Variants in PLA2G6 observed in about 807,000 individuals in gnomAD.
The protein encoded by PLA2G6 is phospholipase A2 group VI, also known as 85/88 kDa calcium-independent phospholipase A2.
A neutral mutation model predicts 83.8 loss-of-function variants in PLA2G6; 62 were observed. The observed-to-expected ratio is 0.74, with a 90% CI of 0.60 to 0.91. The LOEUF (loss-of-function observed/expected upper bound fraction) is 0.91, where lower values mean the gene tolerates loss of function less well. Among genes scored for constraint, PLA2G6 ranks in the 40% least tolerant of loss-of-function variants. PLA2G6 has a pLI of 0.00. For missense variants in PLA2G6, 944 were observed against 1,102.0 expected (o/e 0.86, Z 2.03); for synonymous variants, 417 against 449.8 (o/e 0.93, Z 0.92).
intron 10 of PLA2G6, 128 bp downstream of exon 10, chr22:38,126,243 T>A (rs1162993064): frequency 2.7e-6 from 2 of 752,516 alleles, no homozygotes; most frequent in Non-Finnish European, 4.8e-6. Flanking sequence ...ACTATAAGAC[T>A]AGGAGCAGAG....
At chr22:38,122,669 G>A (rs752098298) in intron 11 of PLA2G6, among the ~76,000 whole-genome samples, 2 of 152,182 alleles carry the variant, frequency 1.3e-5, no homozygotes, top group Admixed American at 6.5e-5. Flanking sequence ...GTGTGCAGGC[G>A]AGGGCTCTGG....
chr22:38,113,441 C>G (rs1436892710), intron 15 of PLA2G6, 46 bp downstream of exon 15: 6 of 1,593,490 alleles, frequency 3.8e-6, no homozygotes, highest in Non-Finnish European at 3.4e-6. Context: ...TCGACCTGGG[C>G]TACAGACCCT....
chr22:38,163,898 G>A (rs986242710), intron 2 of PLA2G6, among the ~76,000 whole-genome samples: 1 of 152,076 alleles, frequency 6.6e-6, no homozygotes, highest in Non-Finnish European at 1.5e-5. Context: ...CCACTTATCT[G>A]AGGTTTCTGA....
At chr22:38,119,710 G>A (rs1033399395) in intron 12 of PLA2G6, among the ~76,000 whole-genome samples, 3 of 152,064 alleles carry the variant, frequency 2.0e-5, no homozygotes, top group South Asian at 2.1e-4. Flanking sequence ...GCACTCAGGC[G>A]GCTGAGATGG....
At chr22:38,115,960 G>T (rs11570752) in intron 13 of PLA2G6, 115 bp downstream of exon 13, 3 of 1,480,586 alleles carry the variant, frequency 2.0e-6, no homozygotes, top group East Asian at 4.7e-5. Flanking sequence ...CCAGTGCAGC[G>T]GGTGGGCTGG....
rs2088667689 is a variant in PLA2G6 at position 38,138,138 on chromosome 22, GCTCCTGC to G, written c.797+1837_797+1843del. 2.0e-5 allele frequency: 3 copies of G among 152,546 alleles called. No individual in the cohort carries two copies. In the East Asian group the frequency reaches 5.8e-4, roughly 29 times the overall value. 9.4% of individuals were successfully genotyped at this position (152,546 alleles called of 1,614,324 possible). A position where few individuals can be genotyped will look rare whatever the true frequency, so the allele number is the denominator to read the frequency against. ...AGAGAGAGAAAACTGGTCAATTACA[GCTCCTGC>G]CCAGTACAGCTCAGGGTGGCTGGAG... On this transcript the variant is annotated intron_variant, in intron 5 of 16. Transcript: ENST00000332509.
intron 2 of PLA2G6, 127 bp from the exon 3 acceptor site, chr22:38,145,780 A>AGCAAACAC (rs2089213730): frequency 1.6e-5 from 7 of 447,640 alleles, no homozygotes; most frequent in Non-Finnish European, 2.8e-5. Flanking sequence ...TCCCCTCCCA[A>AGCAAACAC]GCAAACACAC....
At chr22:38,166,447 A>G (rs551188521) in intron 2 of PLA2G6, among the ~76,000 whole-genome samples, 4 of 152,110 alleles carry the variant, frequency 2.6e-5, no homozygotes, top group Non-Finnish European at 5.9e-5. Context: ...AAGACAAACA[A>G]AGCCGGGCAT....
chr22:38,124,825 A>G (rs11570724), intron 10 of PLA2G6, among the ~76,000 whole-genome samples: 14,154 of 152,104 alleles, frequency 0.093, 747 homozygotes, highest in East Asian at 0.15. Flanking sequence ...CCAGCCCCAC[A>G]GCAAGCCTAG....
intron 5 of PLA2G6, chr22:38,138,514 C>T (rs1435708203): frequency 6.6e-6 from 1 of 152,282 alleles, no homozygotes; most frequent in Non-Finnish European, 1.5e-5. Context: ...TGCCTTCTCA[C>T]TGCTTGTCTG....
At position 38,128,991 on chromosome 22, in the gene PLA2G6, C is replaced by T. The variant is rs1485020255; in HGVS notation, c.1186+463G>A. Reference sequence around the variant, plus strand: ...AGGCCTCTGGTGAGGAGGATCTGCTCTGTCCAGCTCTGAAGCTAAGGCTCA... The same window carrying T: ...AGGCCTCTGGTGAGGAGGATCTGCTTTGTCCAGCTCTGAAGCTAAGGCTCA... On this transcript the variant is annotated intron_variant, in intron 8 of 16. Transcript: ENST00000332509. The surrounding 1 kb of genome is among the most constrained non-coding windows in gnomAD (Gnocchi z 4.4). Among the ~76,000 whole-genome samples the T allele has an allele frequency of 6.6e-6, 1 of 152,276 alleles. No individual in the cohort carries two copies. The highest frequency in any genetic ancestry group is 1.5e-5 in the Non-Finnish European group (1 of 68,046).
rs1021400208 is a variant in PLA2G6, at chr22:38,115,469, G to T, written c.2034+58C>A. 4 of 1,543,610 alleles carry T rather than the reference G, an allele frequency of 2.6e-6. No individual in the cohort carries two copies. In the East Asian group the frequency reaches 9.0e-5, roughly 35 times the overall value. On this transcript the variant is annotated intron_variant, in intron 14 of 16. Transcript: ENST00000332509. ...GGGTCGGTCCCTAGCATGGTTTGCT[G>T]ACACAGGATTGGCTCCAGGGAGCAG... is the stretch of plus-strand genomic sequence containing the variant.
chr22:38,169,121 G>A, intron 2 of PLA2G6, 97 bp downstream of exon 2: 1 of 948,282 alleles, frequency 1.1e-6, no homozygotes, highest in South Asian at 1.4e-5. Flanking sequence ...CCCTCAGACA[G>A]AGACTCAAAG....
rs557507873 is a variant in PLA2G6 at position 38,127,454 on chromosome 22, A to T, written c.1348+815T>A. 3.0e-4 allele frequency: 404 copies of T among 1,331,046 alleles called. 4 individuals are homozygous for T. In the South Asian group the frequency reaches 4.6e-3, roughly 15 times the overall value. 82.5% of individuals were successfully genotyped at this position (1,331,046 alleles called of 1,614,324 possible). A position where few individuals can be genotyped will look rare whatever the true frequency, so the allele number is the denominator to read the frequency against. On this transcript the variant is annotated intron_variant, in intron 9 of 16. Coordinates refer to ENST00000332509, the MANE Select transcript of PLA2G6 (RefSeq NM_003560.4). Reference sequence around the variant, plus strand: ...CCCACCATCCGGCCTGGCTTGGGTGACTGCCTGCAAAATTGAGAGATAAAG... The same window carrying T: ...CCCACCATCCGGCCTGGCTTGGGTGTCTGCCTGCAAAATTGAGAGATAAAG...
At chr22:38,166,023 C>T (rs981728756) in intron 2 of PLA2G6, among the ~76,000 whole-genome samples, 7 of 152,138 alleles carry the variant, frequency 4.6e-5, no homozygotes, top group Non-Finnish European at 7.3e-5. Flanking sequence ...AGGCCACAGC[C>T]GGAGCAGCAG....
intron 2 of PLA2G6, among the ~76,000 whole-genome samples, chr22:38,160,122 A>G (rs781546552): frequency 9.2e-5 from 14 of 152,234 alleles, no homozygotes; most frequent in Non-Finnish European, 1.6e-4. Context: ...ATGGTTAATC[A>G]CTGTATCAAA....
intron 2 of PLA2G6, among the ~76,000 whole-genome samples, chr22:38,158,166 T>C (rs181296076): frequency 3.6e-4 from 54 of 150,394 alleles, no homozygotes; most frequent in Middle Eastern, 3.5e-3. Context: ...TTTCTTTTTC[T>C]TTTCTTTTTT....
chr22:38,127,958 G>GT (rs1216217760), intron 9 of PLA2G6, among the ~76,000 whole-genome samples: 7 of 152,204 alleles, frequency 4.6e-5, no homozygotes, highest in Admixed American at 2.0e-4. Flanking sequence ...TGCCCACCCT[G>GT]AACGCCCTGG....
At chr22:38,178,273 G>A (rs1003655455) in intron 1 of PLA2G6, among the ~76,000 whole-genome samples, 1 of 152,124 alleles carries the variant, frequency 6.6e-6, no homozygotes, top group Non-Finnish European at 1.5e-5. Flanking sequence ...GGATACAATC[G>A]TAAACAAAAC....
Sources: gnomAD v4.1 joint callset for allele counts (sites outside exome capture counted in the v4.1 genomes callset) on GRCh38, gnomAD v4.1.1 for gene constraint, Gnocchi (gnomAD v3.1) non-coding constraint, MANE v1.5 for transcripts, NCBI Gene and HGNC (gene_info 2026-07-23, HGNC 2026-07-21) for gene names.